Variants in BCL3 observed in about 807,000 individuals in gnomAD.
BCL3 encodes the protein B-cell lymphoma 3 protein.
In BCL3, 15 loss-of-function variants were observed where a neutral mutation model predicts 35.7. That is an observed-to-expected ratio of 0.42 (90% CI 0.28 to 0.65). BCL3 has a LOEUF of 0.65. Ranked by LOEUF, BCL3 falls within the 30% of genes least tolerant of loss-of-function variation. BCL3 has a pLI of 0.22. For missense variants in BCL3, 565 were observed against 641.7 expected (o/e 0.88, Z 1.29); for synonymous variants, 311 against 284.3 (o/e 1.09, Z -0.95).
At chr19:44,758,688 A>G (rs1175321306) in intron 7 of BCL3, 36 bp from the exon 8 acceptor site, 1 of 1,526,664 alleles carries the variant, frequency 6.6e-7, no homozygotes, top group Non-Finnish European at 8.9e-7. Context: ...ACTGTGAGGC[A>G]TGGGTGGCTC....
chr19:44,748,216 A>C (rs749005643), upstream of BCL3: 718 of 542,744 alleles, frequency 1.3e-3, 1 homozygote, highest in Non-Finnish European at 1.9e-3. Flanking sequence ...TGAGAGGCAG[A>C]GAGATGGTGA....
At position 44,757,312 on chromosome 19, in the gene BCL3, C is replaced by T; in HGVS notation, c.725-15C>T. ...AGCCCGGGCCTAGGTTTCACCGAGC[C>T]CTCCTCTCCCTCAGGGCTCACCGCC... On this transcript the variant is annotated splice_polypyrimidine_tract_variant and intron_variant, in intron 4 of 8. Transcript: ENST00000164227. The surrounding 1 kb of genome is among the most constrained non-coding windows in gnomAD (Gnocchi z 8.4). The T allele has an allele frequency of 6.3e-7, 1 of 1,592,024 alleles. No individual in the cohort carries two copies. Among genetic ancestry groups the T allele is most frequent in the Non-Finnish European group, 8.6e-7 (1 of 1,169,410 alleles).
chr19:44,749,256 G>C (rs555632880), intron 1 of BCL3, among the ~76,000 whole-genome samples: 74 of 149,736 alleles, frequency 4.9e-4, no homozygotes, highest in African/African-American at 1.7e-3. Context: ...GGGGACCCTG[G>C]GGGGCAAAGC....
At chr19:44,754,137 G>A (rs1967235357) in intron 2 of BCL3, among the ~76,000 whole-genome samples, 1 of 152,192 alleles carries the variant, frequency 6.6e-6, no homozygotes, top group African/African-American at 2.4e-5. Context: ...GACTGGCAAG[G>A]TAGTTTGGGA....
chr19:44,754,758 G>T (rs1967250746), intron 2 of BCL3, among the ~76,000 whole-genome samples: 2 of 152,224 alleles, frequency 1.3e-5, no homozygotes. Flanking sequence ...TTTAAATTTG[G>T]CTTTCACGGA....
chr19:44,752,048 T>C (rs1290844284), intron 2 of BCL3, among the ~76,000 whole-genome samples: 1 of 151,524 alleles, frequency 6.6e-6, no homozygotes, highest in African/African-American at 2.4e-5. Flanking sequence ...AAGTGTTTGT[T>C]AATATTACTA....
At chr19:44,749,401 G>A (rs886937848) in intron 1 of BCL3, among the ~76,000 whole-genome samples, 1 of 151,988 alleles carries the variant, frequency 6.6e-6, no homozygotes, top group African/African-American at 2.4e-5. Flanking sequence ...AGCCAGATGT[G>A]TAGCGTTATG....
chr19:44,758,808 T>TC lies in BCL3; in HGVS notation c.1149dup (p.Glu384ArgfsTer83). On this transcript the variant is annotated frameshift_variant, in exon 8 of 9. Transcript: ENST00000164227. LOFTEE classifies it high-confidence loss of function. ...CTCCCCTGACCGGAGCGCCAACACC[T>TC]CCCCCGAGAGCAGCAGCCGCCTCAG... The TC allele has an allele frequency of 1.2e-6, 2 of 1,600,958 alleles. No homozygotes were observed. The highest frequency in any genetic ancestry group is 1.7e-6 in the Non-Finnish European group (2 of 1,175,346).
At chr19:44,758,213 G>C (rs774450925) in intron 6 of BCL3, 33 bp from the exon 7 acceptor site, 1 of 1,444,346 alleles carries the variant, frequency 6.9e-7, no homozygotes, top group South Asian at 1.5e-5. Context: ...GGTGGCCCGC[G>C]CGCCCTCCTG....
Position 44,757,882 on chromosome 19 carries a change from G to A in BCL3, c.891+159G>A, listed in dbSNP as rs756352998. Among the ~76,000 whole-genome samples the A allele has an allele frequency of 2.4e-4, 37 of 152,136 alleles. No homozygotes were observed. The highest frequency in any genetic ancestry group is 5.1e-4 in the Non-Finnish European group (35 of 67,990). ...TTAAGGCCTAGTTTTCTCGACCCTC[G>A]GGCTCCACGCCCCTGGCTACGAACT... On this transcript the variant is annotated intron_variant, in intron 6 of 8. Coordinates refer to ENST00000164227, the MANE Select transcript of BCL3 (RefSeq NM_005178.5). This position sits in a 1 kb window ranked among gnomAD's most constrained non-coding sequence, Gnocchi z 8.4.
Position 44,759,806 on chromosome 19 carries a change from C to T in BCL3, c.*191C>T. 1 of 509,230 alleles carries T rather than the reference C, an allele frequency of 2.0e-6. No homozygotes were observed. The highest frequency in any genetic ancestry group is 3.4e-6 in the Non-Finnish European group (1 of 291,818). 31.5% of individuals were successfully genotyped at this position (509,230 alleles called of 1,614,324 possible). On this transcript the variant is annotated 3_prime_UTR_variant, in exon 9 of 9. Transcript: ENST00000164227. ...GCACAGATGTTCCCCCATCTCGCTCCCTCCCAGGACTCTGACCCCAGCATT... is the reference window on the plus strand; with the variant it reads ...GCACAGATGTTCCCCCATCTCGCTCTCTCCCAGGACTCTGACCCCAGCATT...
chr19:44,748,173 G>C (rs1390925177), upstream of BCL3: 1 of 990,564 alleles, frequency 1.0e-6, no homozygotes, highest in East Asian at 4.7e-5. Flanking sequence ...GAGATGCCAA[G>C]GCCTCCTGAG....
At position 44,759,417 on chromosome 19, in the gene BCL3, T is replaced by G. The variant is rs1316742866; in HGVS notation, c.1178-11T>G. 7.6e-6 allele frequency: 12 copies of G among 1,585,350 alleles called. No homozygotes were observed. Among genetic ancestry groups the G allele is most frequent in the African/African-American group, 1.5e-5 (1 of 68,114 alleles). The stretch of plus-strand genomic sequence containing the variant: ...TCACCACCCACCCCTCTGTCTCTCT[T>G]CCTTCCTCAGGTCTTCTCTCCGCAT... On this transcript the variant is annotated splice_polypyrimidine_tract_variant and intron_variant, in intron 8 of 8. Transcript: ENST00000164227.
chr19:44,748,950 G>C lies in BCL3; in HGVS notation c.160G>C (p.Val54Leu), dbSNP rs1318163130. Residue 54 changes from valine to leucine, a missense_variant, in exon 1 of 9, where the codon GTC becomes CTC. Coordinates refer to ENST00000164227, the MANE Select transcript of BCL3 (RefSeq NM_005178.5). ...PAAPRGAAGL[V>L]VPLDPLRGGC... is the part of the protein sequence containing the mutation. Reference sequence around the variant, plus strand: ...CGCTCCCCGCGGCGCTGCGGGCCTTGTCGTCCCCCTGGACCCTCTGCGCGG... The same window carrying C: ...CGCTCCCCGCGGCGCTGCGGGCCTTCTCGTCCCCCTGGACCCTCTGCGCGG... 5.6e-6 allele frequency: 7 copies of C among 1,257,134 alleles called. No individual in the cohort carries two copies. The highest frequency in any genetic ancestry group is 1.6e-5 in the African/African-American group (1 of 63,648). The allele number at this position is 1,257,134 out of a possible 1,614,324, so 77.9% of individuals were successfully genotyped here. A position where few individuals can be genotyped will look rare whatever the true frequency, so the allele number is the denominator to read the frequency against.
In BCL3 at chr19:44,758,858, A is replaced by G; in HGVS notation, c.1177+17A>G. The G allele has an allele frequency of 6.4e-7, 1 of 1,563,776 alleles. No homozygotes were observed. Among genetic ancestry groups the G allele is most frequent in the Non-Finnish European group, 8.7e-7 (1 of 1,155,926 alleles). On this transcript the variant is annotated intron_variant, in intron 8 of 8. Coordinates refer to ENST00000164227, the MANE Select transcript of BCL3 (RefSeq NM_005178.5). ...GCTCCAATGGTGAGAAACCGTTCCC[A>G]ACCTCCAGCCCTGGCGCCTCCTCCC... is the stretch of plus-strand genomic sequence containing the variant.
intron 2 of BCL3, chr19:44,755,072 A>T (rs1967255746): frequency 6.6e-6 from 1 of 152,436 alleles, no homozygotes. Context: ...CCCACTGTGT[A>T]CACGCAGTCC....
upstream of BCL3, chr19:44,748,663 G>C (rs1380231278): frequency 9.7e-7 from 1 of 1,029,632 alleles, no homozygotes; most frequent in African/African-American, 1.7e-5. Flanking sequence ...GCGGGCGGCC[G>C]GCACCGCCCC....
intron 1 of BCL3, among the ~76,000 whole-genome samples, chr19:44,750,486 A>G (rs1015299385): frequency 6.6e-6 from 1 of 151,948 alleles, no homozygotes; most frequent in African/African-American, 2.4e-5. Flanking sequence ...TTTAGTAGAG[A>G]CAGGGTTTCA....
intron 2 of BCL3, among the ~76,000 whole-genome samples, chr19:44,754,159 T>C (rs1005983869): frequency 4.6e-5 from 7 of 152,142 alleles, no homozygotes; most frequent in African/African-American, 1.2e-4. Context: ...CCTGGAGCTC[T>C]GAAGGACGGG....
Sources: allele counts gnomAD v4.1 joint callset (sites outside exome capture counted in the v4.1 genomes callset), GRCh38; gene constraint gnomAD v4.1.1; non-coding constraint Gnocchi (gnomAD v3.1); transcripts MANE v1.5; gene names NCBI Gene and HGNC (gene_info 2026-07-23, HGNC 2026-07-21).